Variants in MARCO observed in about 807,000 individuals in gnomAD.
The protein encoded by MARCO is macrophage receptor MARCO.
MARCO carries 72 observed loss-of-function variants against 70.0 expected under a neutral mutation model. That is an observed-to-expected ratio of 1.03 (90% CI 0.85 to 1.25). The LOEUF is 1.25. Ranked by LOEUF, MARCO falls within the 50% of genes most tolerant of loss-of-function variation. MARCO has a pLI of 0.00. For synonymous variants in MARCO, 273 were observed against 243.1 expected, an observed-to-expected ratio of 1.12 and a Z score of -1.14; for missense variants, 696 against 659.3, an observed-to-expected ratio of 1.06 and a Z score of -0.61.
chr2:118,970,302 T>C lies in MARCO; in HGVS notation c.388T>C (p.Leu130=). 1 of 1,613,884 alleles carries C rather than the reference T, an allele frequency of 6.2e-7. No homozygotes were observed. Among genetic ancestry groups the C allele is most frequent in the Non-Finnish European group, 8.5e-7 (1 of 1,179,956 alleles). ...LTWVRVSHEH[L]LQRVDNFTQN... is the part of the protein sequence containing the mutation. ...CTGGGTCCGCGTCAGCCATGAGCAC[T>C]TGCTGCAGCGGGTAGACAACTTCAC... The change falls in exon 3 of 17, where the codon TTG becomes CTG. Residue 130 remains leucine, a synonymous_variant. Coordinates refer to ENST00000327097, the MANE Select transcript of MARCO (RefSeq NM_006770.4).
At chr2:118,973,816 C>T (rs144881582) in intron 4 of MARCO, among the ~76,000 whole-genome samples, 10 of 152,320 alleles carry the variant, frequency 6.6e-5, no homozygotes, top group African/African-American at 2.4e-4. Context: ...CTGTTTCTCT[C>T]CCCTATCCAT....
rs185982126 is a variant in MARCO, at chr2:118,970,728, G to T, written c.424+390G>T. ...GTAGGGCTGCAGGCTGGGGAAAATT[G>T]AGCCAAGGGTTAAAACCCCAAGGGT... On this transcript the variant is annotated intron_variant, in intron 3 of 16. Coordinates refer to ENST00000327097, the MANE Select transcript of MARCO (RefSeq NM_006770.4). Among the ~76,000 whole-genome samples the T allele has an allele frequency of 1.7e-4, 26 of 152,300 alleles. No homozygotes were observed. In the East Asian group the frequency reaches 2.9e-3, roughly 17 times the overall value.
At position 118,974,554 on chromosome 2, in the gene MARCO, AG is replaced by A. The variant is rs1170558026; in HGVS notation, c.605del (p.Gly202GlufsTer62). ...GGACCCCAAGGCCCACCGGGAGTCA[AG>A]GGAGAGGCGGGTGAGTAGGTGCTGG... ...PSGPQGPPGV[K>X]GEAGLQGPQG... On this transcript the variant is annotated frameshift_variant, in exon 6 of 17. Coordinates refer to ENST00000327097, the MANE Select transcript of MARCO (RefSeq NM_006770.4). LOFTEE classifies it high-confidence loss of function. The A allele has an allele frequency of 1.2e-6, 2 of 1,613,510 alleles. No individual in the cohort carries two copies. Among genetic ancestry groups the A allele is most frequent in the Non-Finnish European group, 1.7e-6 (2 of 1,179,872 alleles).
intron 1 of MARCO, among the ~76,000 whole-genome samples, chr2:118,948,194 G>T (rs2104546119): frequency 6.6e-6 from 1 of 152,290 alleles, no homozygotes; most frequent in South Asian, 2.1e-4. Flanking sequence ...TGCAGAAAGG[G>T]TGCTCAATTA....
At position 118,993,153 on chromosome 2, in the gene MARCO, G is replaced by C. The variant is rs760435953; in HGVS notation, c.1282G>C (p.Gly428Arg). 1 of 1,614,212 alleles carries C rather than the reference G, an allele frequency of 6.2e-7. No homozygotes were observed. Among genetic ancestry groups the C allele is most frequent in the Non-Finnish European group, 8.5e-7 (1 of 1,180,040 alleles). Residue 428 changes from glycine to arginine, a missense_variant, in exon 16 of 17, where the codon GGC becomes CGC. Physicochemically the swap from Gly to Arg is moderately radical, Grantham distance 125 (BLOSUM62 -2). Transcript: ENST00000327097. ...GENSVSVRIVGSSNRGRAEVY... is the reference protein window; with the variant it reads ...GENSVSVRIVRSSNRGRAEVY... ...AAACTCAGTGTCCGTCAGGATTGTCGGCAGTAGTAACCGAGGCCGGGCTGA... is the reference window on the plus strand; with the variant it reads ...AAACTCAGTGTCCGTCAGGATTGTCCGCAGTAGTAACCGAGGCCGGGCTGA...
rs576628533 is a variant in MARCO at position 118,973,459 on chromosome 2, C to T, written c.461-874C>T. On this transcript the variant is annotated intron_variant, in intron 4 of 16. Coordinates refer to ENST00000327097, the MANE Select transcript of MARCO (RefSeq NM_006770.4). ...AGAAACCAGAGACAGGAAACTTCTT[C>T]CAGCAGCTGGGGCTATAGAAGTCTC... 7.2e-5 allele frequency among the ~76,000 whole-genome samples: 11 copies of T among 152,290 alleles called. No individual in the cohort carries two copies. The South Asian group carries it at 2.3e-3, about 32-fold the overall frequency.
At chr2:118,986,588 A>AGAAAGAAAGAAAGAAAGAAAGAAAGAAG (rs1680490485) in intron 12 of MARCO, among the ~76,000 whole-genome samples, 2 of 8,042 alleles carry the variant, frequency 2.5e-4, no homozygotes, top group South Asian at 6.3e-3. Flanking sequence ...GAAGGAAAGA[A>AGAAAGAAAGAAAGAAAGAAAGAAAGAAG]GAAAGAAAGA....
intron 1 of MARCO, among the ~76,000 whole-genome samples, chr2:118,955,855 G>A (rs981327316): frequency 1.3e-5 from 2 of 152,140 alleles, no homozygotes; most frequent in African/African-American, 4.8e-5. Flanking sequence ...GCAAAACTAA[G>A]CATCATATAT....
chr2:118,955,477 T>C (rs893255281), intron 1 of MARCO, among the ~76,000 whole-genome samples: 1 of 152,138 alleles, frequency 6.6e-6, no homozygotes, highest in South Asian at 2.1e-4. Flanking sequence ...CACCTAAGAA[T>C]AATTGATGTT....
At position 118,982,356 on chromosome 2, in the gene MARCO, G is replaced by A. The variant is rs1680410813; in HGVS notation, c.1009G>A (p.Gly337Arg). The part of the protein sequence containing the change: ...AGSPGRAGLP[G>R]SPGSPGATGL... ...TGGTGTCTGTTGTCCAGGACTTCCAGGGAGCCCCGGGAGTCCAGGAGCCAC... is the reference window on the plus strand; with the variant it reads ...TGGTGTCTGTTGTCCAGGACTTCCAAGGAGCCCCGGGAGTCCAGGAGCCAC... Residue 337 changes from glycine (G) to arginine (R), a missense_variant, in exon 12 of 17, where the codon GGG becomes AGG. Coordinates refer to ENST00000327097, the MANE Select transcript of MARCO (RefSeq NM_006770.4). 1 of 1,613,832 alleles carries A rather than the reference G, an allele frequency of 6.2e-7. No individual in the cohort carries two copies. The highest frequency in any genetic ancestry group is 8.5e-7 in the Non-Finnish European group (1 of 1,179,930).
intron 1 of MARCO, among the ~76,000 whole-genome samples, chr2:118,967,035 G>A (rs1680065099): frequency 6.6e-6 from 1 of 152,176 alleles, no homozygotes; most frequent in Admixed American, 6.5e-5. Flanking sequence ...CATCTTCCCA[G>A]CATGTTGTGT....
chr2:118,984,885 T>G (rs1680456002), intron 12 of MARCO, among the ~76,000 whole-genome samples: 1 of 152,230 alleles, frequency 6.6e-6, no homozygotes, highest in African/African-American at 2.4e-5. Context: ...TCCAAACTGA[T>G]GTATTTCCCA....
At chr2:118,944,568 C>T (rs1679560943) in intron 1 of MARCO, among the ~76,000 whole-genome samples, 1 of 152,062 alleles carries the variant, frequency 6.6e-6, no homozygotes, top group Non-Finnish European at 1.5e-5. Context: ...AAAAATATTT[C>T]TAATGTCATT....
At chr2:118,944,047 A>T (rs1172576793) in intron 1 of MARCO, among the ~76,000 whole-genome samples, 1 of 152,128 alleles carries the variant, frequency 6.6e-6, no homozygotes, top group Non-Finnish European at 1.5e-5. Flanking sequence ...GATCAATTGG[A>T]CTGCAATGGC....
At chr2:118,959,597 A>G (rs148998370) in intron 1 of MARCO, among the ~76,000 whole-genome samples, 28 of 152,350 alleles carry the variant, frequency 1.8e-4, no homozygotes, top group African/African-American at 5.8e-4. Context: ...AAGAAGTAAA[A>G]GTAGAAATAC....
At chr2:118,982,669 A>G (rs906600179) in intron 12 of MARCO, among the ~76,000 whole-genome samples, 1 of 152,090 alleles carries the variant, frequency 6.6e-6, no homozygotes, top group African/African-American at 2.4e-5. Flanking sequence ...GAGGAGAGCA[A>G]AGCACCTTGC....
intron 1 of MARCO, among the ~76,000 whole-genome samples, chr2:118,954,233 C>G (rs950872563): frequency 6.6e-6 from 1 of 152,184 alleles, no homozygotes; most frequent in African/African-American, 2.4e-5. Flanking sequence ...GCTGGGGGCA[C>G]AGTGGGAGTA....
chr2:118,982,560 C>T, intron 12 of MARCO, 150 bp downstream of exon 12: 1 of 739,756 alleles, frequency 1.4e-6, no homozygotes, highest in South Asian at 1.7e-5. Flanking sequence ...GCAGTTGCCC[C>T]TGCCAGGACC....
Position 118,982,203 on chromosome 2 carries a change from C to T in MARCO, c.949C>T (p.His317Tyr). The change falls in exon 11 of 17, where the codon CAC (histidine) becomes TAC (tyrosine). Residue 317 changes from histidine (H) to tyrosine (Y), a missense_variant. His to Tyr is a moderately conservative substitution (Grantham distance 83). This residue lies in a region of MARCO where 605 missense variants were observed against 537.6 expected (regional missense o/e 1.13). Coordinates refer to ENST00000327097, the MANE Select transcript of MARCO (RefSeq NM_006770.4). ...GVPGPPGAVG[H>Y]PGAKGEPGSA... is the part of the protein sequence containing the mutation. ...TCCGGGCCCTCCTGGTGCAGTGGGA[C>T]ACCCAGGTGCCAAGGGTGAGCCTGG... 1 of 1,613,366 alleles carries T rather than the reference C, an allele frequency of 6.2e-7. No individual in the cohort carries two copies. Among genetic ancestry groups the T allele is most frequent in the South Asian group, 1.1e-5 (1 of 91,038 alleles).
Sources: allele counts gnomAD v4.1 joint callset (sites outside exome capture counted in the v4.1 genomes callset), GRCh38; gene constraint gnomAD v4.1.1; regional missense constraint gnomAD v4.1.1; transcripts MANE v1.5; gene names NCBI Gene and HGNC (gene_info 2026-07-23, HGNC 2026-07-21).